The following ITFG2 variants were observed in gnomAD, a reference collection of about 807,000 sequenced individuals.
ITFG2 encodes the protein integrin alpha FG-GAP repeat containing 2.
In ITFG2, 36 loss-of-function variants were observed where a neutral mutation model predicts 54.4. That is an observed-to-expected ratio of 0.66 (90% CI 0.51 to 0.87). ITFG2 has a LOEUF of 0.87. Ranked by LOEUF, ITFG2 falls within the 40% of genes least tolerant of loss-of-function variation. The pLI is 0.00. For missense variants in ITFG2, 524 were observed against 576.7 expected (o/e 0.91, Z 0.94); for synonymous variants, 211 against 225.4 (o/e 0.94, Z 0.57).
rs925562970 is a variant in ITFG2, at chr12:2,852,050, GT to G, written n.301-5952del. Reference sequence around the variant, plus strand: ...ACAACTTCAACATCATCAGGCAGGAGTTTTTTTTTTAGCTCCATTATAATCT... The same window carrying G: ...ACAACTTCAACATCATCAGGCAGGAGTTTTTTTTTAGCTCCATTATAATCT... On this transcript the variant is annotated intron_variant and non_coding_transcript_variant, in intron 2 of 3. Transcript: ENST00000537710. Among the ~76,000 whole-genome samples the G allele has an allele frequency of 5.9e-4, 88 of 149,714 alleles. 1 individual carries two copies. The highest frequency in any genetic ancestry group is 3.9e-4 in the Non-Finnish European group (26 of 67,160).
downstream of ITFG2, chr12:2,827,172 A>C: frequency 6.2e-7 from 1 of 1,613,700 alleles, no homozygotes; most frequent in Non-Finnish European, 8.5e-7. The surrounding 1 kb of genome is among the most constrained non-coding windows in gnomAD (Gnocchi z 4.0). Flanking sequence ...TTCTAAGGCA[A>C]GGTCTTTCCC....
intron 2 of ITFG2, chr12:2,830,454 AC>A: frequency 2.5e-5 from 10 of 406,632 alleles, no homozygotes; most frequent in South Asian, 9.8e-5. Flanking sequence ...AGGAGTACTT[AC>A]TTAATTTAAG....
At chr12:2,827,241 G>T (rs1439832759), downstream of ITFG2, 1 of 1,614,130 alleles carries the variant, frequency 6.2e-7, no homozygotes, top group Non-Finnish European at 8.5e-7. The surrounding 1 kb of genome is among the most constrained non-coding windows in gnomAD (Gnocchi z 4.0). Context: ...AGGCAGGAAG[G>T]GTAGCTCTGA....
At chr12:2,818,364 G>A (rs1428749138) in intron 4 of ITFG2, 87 bp downstream of exon 4, 1 of 1,573,236 alleles carries the variant, frequency 6.4e-7, no homozygotes, top group African/African-American at 1.4e-5. Context: ...GTGAGAGGGA[G>A]AATCCGTATT....
At chr12:2,854,484 C>G (rs1169296324) in intron 2 of ITFG2, among the ~76,000 whole-genome samples, 1 of 152,224 alleles carries the variant, frequency 6.6e-6, no homozygotes, top group African/African-American at 2.4e-5. Context: ...AACTGTACTC[C>G]AGGCCTTCGG....
chr12:2,851,994 T>C (rs1029588229), intron 2 of ITFG2, among the ~76,000 whole-genome samples: 1 of 152,260 alleles, frequency 6.6e-6, no homozygotes, highest in Non-Finnish European at 1.5e-5. Context: ...AATTTATTTT[T>C]AAAATGAGGT....
chr12:2,849,212 G>A (rs757688746), intron 2 of ITFG2: 79 of 1,526,894 alleles, frequency 5.2e-5, no homozygotes, highest in East Asian at 2.4e-4. Context: ...TATCACGATC[G>A]TCCCCTCTGG....
At chr12:2,855,490 G>T in intron 2 of ITFG2, 1 of 1,369,948 alleles carries the variant, frequency 7.3e-7, no homozygotes, top group South Asian at 1.8e-5. Flanking sequence ...TGTGCAGACA[G>T]GGGTGCAGAA....
downstream of ITFG2, among the ~76,000 whole-genome samples, chr12:2,830,021 GAC>G (rs1195254448): frequency 2.6e-5 from 4 of 151,650 alleles, no homozygotes; most frequent in African/African-American, 7.3e-5. Flanking sequence ...AGGCTGCAGT[GAC>G]ACAAGATCAT....
downstream of ITFG2, chr12:2,828,377 C>T (rs768851965): frequency 1.9e-6 from 3 of 1,614,002 alleles, no homozygotes; most frequent in African/African-American, 1.3e-5. Flanking sequence ...GTATTGGGTG[C>T]CTGTGTCAAC....
At chr12:2,857,916 A>G (rs2098093678) in intron 2 of ITFG2, 1 of 152,466 alleles carries the variant, frequency 6.6e-6, no homozygotes, top group Admixed American at 6.5e-5. Context: ...ACATCTGGGC[A>G]CCCACACTCT....
chr12:2,825,640 C>T (rs2097962887), downstream of ITFG2: 1 of 153,116 alleles, frequency 6.5e-6, no homozygotes, highest in Non-Finnish European at 1.5e-5. Context: ...GGCCAGGTGT[C>T]ACAGGCAGCT....
At chr12:2,839,985 GA>G (rs905544175) in intron 1 of ITFG2, among the ~76,000 whole-genome samples, 3 of 151,900 alleles carry the variant, frequency 2.0e-5, no homozygotes, top group Non-Finnish European at 2.9e-5. Context: ...TAGGGCTGAA[GA>G]ACTTCCTGTT....
At chr12:2,859,110 GGCA>G in intron 3 of ITFG2, 2 of 1,605,986 alleles carry the variant, frequency 1.2e-6, no homozygotes, top group East Asian at 2.2e-5. Flanking sequence ...GGAGGAGATG[GGCA>G]GCGTTTCCTT....
chr12:2,854,552 T>C (rs933202142), intron 2 of ITFG2, among the ~76,000 whole-genome samples: 2 of 148,340 alleles, frequency 1.3e-5, no homozygotes, highest in Admixed American at 6.6e-5. Flanking sequence ...CAACACCCCC[T>C]GTCTCGCACT....
rs554199888 is a variant in ITFG2, at chr12:2,854,908, G to A, written n.301-3104G>A. 1.5e-4 allele frequency: 233 copies of A among 1,534,572 alleles called. 1 individual carries two copies. The highest frequency in any genetic ancestry group is 1.9e-4 in the Non-Finnish European group (216 of 1,145,762). ...GGCACCGTCTTACTTCTTGAAGCTCGCTGGCGGCTGGATGTTGCCCTGGGC... is the reference window on the plus strand; with the variant it reads ...GGCACCGTCTTACTTCTTGAAGCTCACTGGCGGCTGGATGTTGCCCTGGGC... On this transcript the variant is annotated intron_variant and non_coding_transcript_variant, in intron 2 of 3. Transcript: ENST00000537710.
intron 2 of ITFG2, chr12:2,849,607 T>C: frequency 6.9e-7 from 1 of 1,443,182 alleles, no homozygotes; most frequent in Non-Finnish European, 9.3e-7. Context: ...AGGGGAAGGG[T>C]GATGCCGCTG....
chr12:2,855,181 T>C (rs2098083455), intron 2 of ITFG2: 12 of 1,506,254 alleles, frequency 8.0e-6, no homozygotes, highest in Non-Finnish European at 9.7e-6. Context: ...GTAGGGCCTG[T>C]CAGGCTGGGT....
Position 2,818,188 on chromosome 12 carries a change from A to G in ITFG2, c.317A>G (p.His106Arg). 1 of 1,614,140 alleles carries G rather than the reference A, an allele frequency of 6.2e-7. No homozygotes were observed. The highest frequency in any genetic ancestry group is 8.5e-7 in the Non-Finnish European group (1 of 1,180,044). Residue 106 changes from histidine (H) to arginine (R), a missense_variant, in exon 4 of 12, where the codon CAC (histidine) becomes CGC (arginine). His to Arg is a conservative substitution (Grantham distance 29, BLOSUM62 0). Coordinates refer to ENST00000228799, the MANE Select transcript of ITFG2 (RefSeq NM_018463.4). Reference sequence around the variant, plus strand: ...GCCAAGGTGTTGGATGCTTCTGGGCACCACGAGACACTAATCGGAGAGGAG... The same window carrying G: ...GCCAAGGTGTTGGATGCTTCTGGGCGCCACGAGACACTAATCGGAGAGGAG... Reference protein sequence around the residue: ...TPAKVLDASGHHETLIGEEQR... With the variant: ...TPAKVLDASGRHETLIGEEQR...
Sources: allele counts gnomAD v4.1 joint callset (sites outside exome capture counted in the v4.1 genomes callset), GRCh38; gene constraint gnomAD v4.1.1; non-coding constraint Gnocchi (gnomAD v3.1); transcripts MANE v1.5; gene names NCBI Gene and HGNC (gene_info 2026-07-23, HGNC 2026-07-21).